The following PPM1H variants were observed in gnomAD, a reference collection of about 807,000 sequenced individuals.
The protein encoded by PPM1H is protein phosphatase, Mg2+/Mn2+ dependent 1H.
In PPM1H, 27 loss-of-function variants were observed where a neutral mutation model predicts 54.9. The ratio of observed to expected loss-of-function variants is 0.49; its 90% CI spans 0.36 to 0.68. The LOEUF is 0.68. Ranked by LOEUF, PPM1H falls within the 30% of genes least tolerant of loss-of-function variation. PPM1H has a pLI of 0.00. For synonymous variants in PPM1H, 305 were observed against 270.8 expected, an observed-to-expected ratio of 1.13 and a Z score of -1.24; for missense variants, 596 against 667.8, an observed-to-expected ratio of 0.89 and a Z score of 1.19.
intron 4 of PPM1H, among the ~76,000 whole-genome samples, chr12:62,753,005 T>C (rs75692626): frequency 6.6e-6 from 1 of 152,202 alleles, no homozygotes; most frequent in East Asian, 1.9e-4. Flanking sequence ...GAAGACACAG[T>C]TGGAAATGTG....
intron 8 of PPM1H, among the ~76,000 whole-genome samples, chr12:62,685,293 C>G (rs1313077907): frequency 1.3e-5 from 2 of 152,164 alleles, no homozygotes; most frequent in African/African-American, 4.8e-5. Context: ...CTCTGGGAAA[C>G]TCTGGCCCCC....
At chr12:62,847,389 A>G (rs865883448) in intron 1 of PPM1H, among the ~76,000 whole-genome samples, 7 of 152,218 alleles carry the variant, frequency 4.6e-5, no homozygotes, top group South Asian at 4.1e-4. Flanking sequence ...TCACTATACT[A>G]TCATTATTAA....
At chr12:62,885,443 G>A (rs570722097) in intron 1 of PPM1H, among the ~76,000 whole-genome samples, 2 of 152,222 alleles carry the variant, frequency 1.3e-5, no homozygotes, top group South Asian at 4.2e-4. Flanking sequence ...GGCCCACCTG[G>A]GATAAACTCC....
chr12:62,656,419 T>G (rs1253205298), intron 9 of PPM1H, among the ~76,000 whole-genome samples: 1 of 152,178 alleles, frequency 6.6e-6, no homozygotes, highest in African/African-American at 2.4e-5. Context: ...TTATTAGATA[T>G]TAAATGCCTT....
At chr12:62,768,178 T>C (rs2076555435) in intron 4 of PPM1H, among the ~76,000 whole-genome samples, 1 of 152,142 alleles carries the variant, frequency 6.6e-6, no homozygotes, top group African/African-American at 2.4e-5. Flanking sequence ...ATACCTGCAG[T>C]ACACCAAAGG....
chr12:62,907,031 T>C lies in PPM1H; in HGVS notation c.245+27461A>G, dbSNP rs76612487. 8.0e-3 allele frequency among the ~76,000 whole-genome samples: 1,221 copies of C among 152,370 alleles called. 17 individuals carry two copies. The highest frequency in any genetic ancestry group is 0.054 in the Middle Eastern group (16 of 294). ...CAAGATTCCACTGACCCATTTCCCC[T>C]ACAGGGATTAAATCAAACAAGATCG... On this transcript the variant is annotated intron_variant, in intron 1 of 9. Coordinates refer to ENST00000228705, the MANE Select transcript of PPM1H (RefSeq NM_020700.2).
At position 62,854,373 on chromosome 12, in the gene PPM1H, T is replaced by C. The variant is rs532846400; in HGVS notation, c.246-22094A>G. ...CAGTCTAGAAAATCTTAACATTTAA[T>C]GCTGAAAAGTAACGCATCTGACACT... On this transcript the variant is annotated intron_variant, in intron 1 of 9. Transcript: ENST00000228705. Among the ~76,000 whole-genome samples the C allele has an allele frequency of 6.0e-4, 92 of 152,286 alleles. 1 individual carries two copies. Among genetic ancestry groups the C allele is most frequent in the Non-Finnish European group, 1.0e-3 (70 of 68,014 alleles).
At chr12:62,755,269 T>C in intron 4 of PPM1H, 1 of 760,500 alleles carries the variant, frequency 1.3e-6, no homozygotes, top group Non-Finnish European at 2.4e-6. Context: ...TTGTATTGGG[T>C]GCCTAGTCAC....
chr12:62,816,341 T>C (rs1477044181), intron 2 of PPM1H, among the ~76,000 whole-genome samples: 2 of 152,238 alleles, frequency 1.3e-5, no homozygotes, highest in Non-Finnish European at 2.9e-5. Flanking sequence ...GAAAATGCTC[T>C]GAAATCCAAA....
chr12:62,726,822 C>T (rs937785480), intron 5 of PPM1H, among the ~76,000 whole-genome samples: 5 of 152,184 alleles, frequency 3.3e-5, no homozygotes, highest in Non-Finnish European at 7.4e-5. Context: ...AGTCCTGAGT[C>T]TTCAAAATGA....
At chr12:62,780,306 CTTT>C (rs1431384094) in intron 4 of PPM1H, among the ~76,000 whole-genome samples, 1 of 152,082 alleles carries the variant, frequency 6.6e-6, no homozygotes, top group Non-Finnish European at 1.5e-5. Context: ...TGCTAGTTTT[CTTT>C]CTTTTTTTTG....
At chr12:62,806,379 C>A (rs1460392305) in intron 2 of PPM1H, among the ~76,000 whole-genome samples, 2 of 152,160 alleles carry the variant, frequency 1.3e-5, no homozygotes, top group African/African-American at 2.4e-5. Flanking sequence ...GCAACAGGCT[C>A]TGGAGTAGGC....
chr12:62,652,353 A>G (rs2075821139), intron 9 of PPM1H, among the ~76,000 whole-genome samples: 1 of 152,154 alleles, frequency 6.6e-6, no homozygotes, highest in Non-Finnish European at 1.5e-5. Context: ...GCTAGGACTA[A>G]GGCATATTCC....
chr12:62,870,254 G>A (rs1377152723), intron 1 of PPM1H, among the ~76,000 whole-genome samples: 2 of 152,144 alleles, frequency 1.3e-5, no homozygotes, highest in African/African-American at 4.8e-5. Context: ...TCTTGGACTC[G>A]AATTTGACGA....
chr12:62,898,042 G>C (rs1871049991), intron 1 of PPM1H, among the ~76,000 whole-genome samples: 1 of 152,176 alleles, frequency 6.6e-6, no homozygotes, highest in Non-Finnish European at 1.5e-5. Context: ...GCCCAGCCCA[G>C]CTTGGGGAAC....
At chr12:62,811,714 C>T (rs976706614) in intron 2 of PPM1H, among the ~76,000 whole-genome samples, 2 of 152,140 alleles carry the variant, frequency 1.3e-5, no homozygotes, top group Non-Finnish European at 2.9e-5. Context: ...TTTCCCTCCC[C>T]TTTGCTCTGC....
intron 7 of PPM1H, among the ~76,000 whole-genome samples, chr12:62,693,105 G>A (rs751923373): frequency 6.6e-5 from 10 of 152,128 alleles, no homozygotes; most frequent in Admixed American, 1.3e-4. Context: ...GCTTCACACC[G>A]AGTTGAAATG....
intron 4 of PPM1H, among the ~76,000 whole-genome samples, chr12:62,785,457 G>A (rs754706978): frequency 1.2e-4 from 19 of 152,222 alleles, no homozygotes; most frequent in East Asian, 3.8e-4. Flanking sequence ...GATTATAGGC[G>A]TGAACCACCA....
chr12:62,771,616 C>G (rs778029800), intron 4 of PPM1H, among the ~76,000 whole-genome samples: 6 of 152,144 alleles, frequency 3.9e-5, no homozygotes, highest in Admixed American at 6.5e-5. Context: ...TTATTATAAA[C>G]TTAAATATAT....
Sources: allele counts gnomAD v4.1 joint callset (sites outside exome capture counted in the v4.1 genomes callset), GRCh38; gene constraint gnomAD v4.1.1; transcripts MANE v1.5; gene names NCBI Gene and HGNC (gene_info 2026-07-23, HGNC 2026-07-21).